PNKP: variants seen among roughly 807,000 people sequenced by gnomAD.
PNKP encodes the protein bifunctional polynucleotide phosphatase/kinase.
A neutral mutation model predicts 66.2 loss-of-function variants in PNKP; 82 were observed. The observed-to-expected ratio is 1.24, with a 90% CI of 1.04 to 1.49. PNKP has a LOEUF of 1.49. Ranked by LOEUF, PNKP falls within the 40% of genes most tolerant of loss-of-function variation. The probability of loss-of-function intolerance (pLI) is 0.00; values close to 1 mark genes in which losing one functional copy is unlikely to be tolerated. For missense variants in PNKP, 907 were observed against 706.8 expected (o/e 1.28, Z -3.21); for synonymous variants, 412 against 298.9 (o/e 1.38, Z -3.90).
rs2074802994 is a variant in PNKP at position 49,864,378 on chromosome 19, G to A, written c.524C>T (p.Thr175Met). The change falls in exon 5 of 17, where the codon ACG (threonine) becomes ATG (methionine). Residue 175 changes from threonine to methionine, a missense_variant. Thr to Met is a moderately conservative substitution (Grantham distance 81). Transcript: ENST00000322344. ...GKVAGFDLDG[T>M]LITTRSGKVF... The stretch of plus-strand genomic sequence containing the variant: ...CTTCCCAGAGCGTGTGGTGATGAGC[G>A]TCCCGTCCAGATCAAAGCCAGCCAC... 12 of 1,613,892 alleles carry A rather than the reference G, an allele frequency of 7.4e-6. No individual in the cohort carries two copies. Among genetic ancestry groups the A allele is most frequent in the Non-Finnish European group, 9.3e-6 (11 of 1,179,826 alleles).
chr19:49,861,487 A>AGAGGAGTCCGTCATCTCTC lies in PNKP; in HGVS notation c.1391_1409dup (p.His471ArgfsTer29), dbSNP rs2074758048. On this transcript the variant is annotated frameshift_variant, in exon 16 of 17. Transcript: ENST00000322344. LOFTEE classifies it low-confidence loss of function (END_TRUNC). ...TGACCATGTCTGACACGGGGATATG[A>AGAGGAGTCCGTCATCTCTC]GAGGAGTCCGTCATCTCTCGAAACT... 1 of 1,583,254 alleles carries AGAGGAGTCCGTCATCTCTC rather than the reference A, an allele frequency of 6.3e-7. No homozygotes were observed.
chr19:49,863,483 A>C (rs2074795083), intron 8 of PNKP, among the ~76,000 whole-genome samples: 1 of 152,254 alleles, frequency 6.6e-6, no homozygotes, highest in African/African-American at 2.4e-5. Flanking sequence ...GAACGAAGGA[A>C]TGAACAGCTT....
In PNKP at chr19:49,863,999, C is replaced by T; in HGVS notation, c.709G>A (p.Glu237Lys). 1 of 1,614,084 alleles carries T rather than the reference C, an allele frequency of 6.2e-7. No individual in the cohort carries two copies. Among genetic ancestry groups the T allele is most frequent in the Non-Finnish European group, 8.5e-7 (1 of 1,179,982 alleles). ...LPAEEFKAKV[E>K]AVVEKLGVPF... ...ACCCCCAGCTTCTCCACCACAGCCT[C>T]CACCTTGGCCTTGAACTCCTCGGCT... Residue 237 changes from glutamate to lysine, a missense_variant, in exon 7 of 17, where the codon GAG becomes AAG. By Grantham distance (56) the Glu-to-Lys change is moderately conservative. Coordinates refer to ENST00000322344, the MANE Select transcript of PNKP (RefSeq NM_007254.4).
At position 49,861,773 on chromosome 19, in the gene PNKP, T is replaced by C; in HGVS notation, c.1297A>G (p.Arg433Gly). 6.4e-7 allele frequency: 1 copy of C among 1,570,374 alleles called. No individual in the cohort carries two copies. The highest frequency in any genetic ancestry group is 8.6e-7 in the Non-Finnish European group (1 of 1,158,782). Residue 433 changes from arginine (R) to glycine (G), a missense_variant and splice_region_variant, in exon 14 of 17, where the codon AGG becomes GGG. Transcript: ENST00000322344. Reference protein sequence around the residue: ...NTNPDAASRARYVQCARAAGV... With the variant: ...NTNPDAASRAGYVQCARAAGV... ...CCTACGGCCCCGCGGTCACGCTACC[T>C]GGCGCGGCTCGCGGCGTCTGGGTTT... is the stretch of plus-strand genomic sequence containing the variant.
At position 49,867,510 on chromosome 19, in the gene PNKP, A is replaced by T; in HGVS notation, c.-55T>A. 2.3e-6 allele frequency: 1 copy of T among 436,110 alleles called. No homozygotes were observed. Among genetic ancestry groups the T allele is most frequent in the South Asian group, 2.6e-5 (1 of 38,032 alleles). The allele number at this position is 436,110 out of a possible 1,614,324, so 27.0% of individuals were successfully genotyped here. A position where few individuals can be genotyped will look rare whatever the true frequency, so the allele number is the denominator to read the frequency against. On this transcript the variant is annotated 5_prime_UTR_variant, in exon 1 of 17. Coordinates refer to ENST00000322344, the MANE Select transcript of PNKP (RefSeq NM_007254.4). ...GGCTCACGGCCACTTCCGACCAGGG[A>T]GGTCCTGCCCGAGGTGCCCCGCCTG...
At chr19:49,865,535 T>A in intron 3 of PNKP, 109 bp from the exon 4 acceptor site, 1 of 720,652 alleles carries the variant, frequency 1.4e-6, no homozygotes, top group Non-Finnish European at 2.5e-6. Flanking sequence ...ATCAGACCCT[T>A]AGGCCCCACC....
chr19:49,865,293 G>A lies in PNKP; in HGVS notation c.332C>T (p.Thr111Ile), dbSNP rs756223253. The change falls in exon 4 of 17, where the codon ACA becomes ATA. Residue 111 changes from threonine (T) to isoleucine (I), a missense_variant. Thr to Ile is a moderately conservative substitution (Grantham distance 89). Coordinates refer to ENST00000322344, the MANE Select transcript of PNKP (RefSeq NM_007254.4). ...CGGAGTATCTGGCTGGGATTCTGGTGTGCGGGTCTCTTCCCAGCGCAGGGT... is the reference window on the plus strand; with the variant it reads ...CGGAGTATCTGGCTGGGATTCTGGTATGCGGGTCTCTTCCCAGCGCAGGGT... ...PLTLRWEETR[T>I]PESQPDTPPG... 2 of 1,614,248 alleles carry A rather than the reference G, an allele frequency of 1.2e-6. No individual in the cohort carries two copies. The highest frequency in any genetic ancestry group is 1.7e-5 in the Admixed American group (1 of 60,028).
At chr19:49,866,907 A>C in intron 2 of PNKP, 147 bp downstream of exon 2, 1 of 832,742 alleles carries the variant, frequency 1.2e-6, no homozygotes, top group Non-Finnish European at 2.1e-6. Context: ...TCAAGCACAA[A>C]CTTTATCTTC....
In PNKP at chr19:49,861,785, CGGCGTCTG is replaced by C; in HGVS notation, c.1277_1284del (p.Pro426ArgfsTer65). ...CGGTCACGCTACCTGGCGCGGCTCG[CGGCGTCTG>C]GGTTTGTGTTGTCGATGGCGACCCG... On this transcript the variant is annotated frameshift_variant, in exon 14 of 17. Transcript: ENST00000322344. LOFTEE classifies it high-confidence loss of function. The C allele has an allele frequency of 6.4e-7, 1 of 1,566,094 alleles. No individual in the cohort carries two copies. The highest frequency in any genetic ancestry group is 8.6e-7 in the Non-Finnish European group (1 of 1,158,520).
rs2074797385 is a variant in PNKP, at chr19:49,863,724, G to C, written c.781C>G (p.Pro261Ala). The change falls in exon 8 of 17, where the codon CCG becomes GCG. Residue 261 changes from proline to alanine, a missense_variant. Pro to Ala is a conservative substitution (Grantham distance 27, BLOSUM62 -1). Coordinates refer to ENST00000322344, the MANE Select transcript of PNKP (RefSeq NM_007254.4). ...AGATGGTCCCACATGCCCGTCACCG[G>C]CTTCCGGTACAAGCCTGCGTGCGTG... is the stretch of plus-strand genomic sequence containing the variant. Reference protein sequence around the residue: ...VATHAGLYRKPVTGMWDHLQE... With the variant: ...VATHAGLYRKAVTGMWDHLQE... 6.4e-7 allele frequency: 1 copy of C among 1,558,632 alleles called. No individual in the cohort carries two copies. Among genetic ancestry groups the C allele is most frequent in the East Asian group, 2.4e-5 (1 of 41,886 alleles).
intron 4 of PNKP, 78 bp from the exon 5 acceptor site, chr19:49,864,481 A>C: frequency 9.3e-7 from 1 of 1,080,760 alleles, no homozygotes; most frequent in Non-Finnish European, 1.4e-6. Flanking sequence ...ACTCACACCA[A>C]CCCTGCCAGG....
chr19:49,864,350 G>A lies in PNKP; in HGVS notation c.552C>T (p.Val184=), dbSNP rs369818814. Reference sequence around the variant, plus strand: ...TCCAGTCACTGGGGCCAGTGGGAAAGACCTTCCCAGAGCGTGTGGTGATGA... The same window carrying A: ...TCCAGTCACTGGGGCCAGTGGGAAAAACCTTCCCAGAGCGTGTGGTGATGA... ...GTLITTRSGK[V]FPTGPSDWRI... The change falls in exon 5 of 17, where the codon GTC becomes GTT. Residue 184 remains valine, a synonymous_variant. Coordinates refer to ENST00000322344, the MANE Select transcript of PNKP (RefSeq NM_007254.4). 6.2e-6 allele frequency: 10 copies of A among 1,613,910 alleles called. No individual in the cohort carries two copies. Among genetic ancestry groups the A allele is most frequent in the Non-Finnish European group, 8.5e-6 (10 of 1,179,926 alleles).
In PNKP at chr19:49,861,754, GC is replaced by G. The variant is rs1456662160; in HGVS notation, c.1298+17del. The G allele has an allele frequency of 2.6e-6, 4 of 1,559,172 alleles. No individual in the cohort carries two copies. The East Asian group carries it at 7.2e-5, about 28-fold the overall frequency. On this transcript the variant is annotated intron_variant, in intron 14 of 16. Transcript: ENST00000322344. ...CCCACCCCGCCGCAGGCCACCTACG[GC>G]CCCGCGGTCACGCTACCTGGCGCGG...
chr19:49,861,691 CGTACCTGT>C lies in PNKP; in HGVS notation c.1299-4_1302del, dbSNP rs1568658764. 6.5e-7 allele frequency: 1 copy of C among 1,547,572 alleles called. No individual in the cohort carries two copies. The highest frequency in any genetic ancestry group is 1.2e-5 in the South Asian group (1 of 84,088). ...ACGCCCGCGGCTCGGGCACACTGGA[CGTACCTGT>C]GGGGGAAGGAGCTGGATGTGCAGGC... On this transcript the variant is annotated splice_acceptor_variant and splice_polypyrimidine_tract_variant and coding_sequence_variant and intron_variant, in exon 15 of 17. Transcript: ENST00000322344. LOFTEE classifies it high-confidence loss of function.
Position 49,864,367 on chromosome 19 carries a change from T to C in PNKP, c.535A>G (p.Thr179Ala), listed in dbSNP as rs1254979930. ...GFDLDGTLIT[T>A]RSGKVFPTGP... ...GTGGGAAAGACCTTCCCAGAGCGTGTGGTGATGAGCGTCCCGTCCAGATCA... is the reference window on the plus strand; with the variant it reads ...GTGGGAAAGACCTTCCCAGAGCGTGCGGTGATGAGCGTCCCGTCCAGATCA... The change falls in exon 5 of 17, where the codon ACA becomes GCA. Residue 179 changes from threonine (T) to alanine (A), a missense_variant. Transcript: ENST00000322344. The C allele has an allele frequency of 6.2e-7, 1 of 1,614,112 alleles. No homozygotes were observed. Among genetic ancestry groups the C allele is most frequent in the Non-Finnish European group, 8.5e-7 (1 of 1,179,988 alleles).
chr19:49,861,348 G>A lies in PNKP; in HGVS notation c.1466C>T (p.Pro489Leu), dbSNP rs779937835. 1.2e-6 allele frequency: 2 copies of A among 1,614,140 alleles called. No individual in the cohort carries two copies. Among genetic ancestry groups the A allele is most frequent in the Non-Finnish European group, 1.7e-6 (2 of 1,179,976 alleles). The change falls in exon 17 of 17, where the codon CCA becomes CTA. Residue 489 changes from proline (P) to leucine (L), a missense_variant. Pro to Leu is a moderately conservative substitution (Grantham distance 98). Transcript: ENST00000322344. ...GGCAGAGAAGCCTTCAGCCAGCGTT[G>A]GGGCCTCGAACTGCTTCCTGGCAGT... Reference protein sequence around the residue: ...MYGYRKQFEAPTLAEGFSAIL... With the variant: ...MYGYRKQFEALTLAEGFSAIL...
rs2074820909 is a variant in PNKP at position 49,866,399 on chromosome 19, C to A, written c.198G>T (p.Gln66His). Residue 66 changes from glutamine (Q) to histidine (H), a missense_variant and splice_region_variant, in exon 3 of 17, where the codon CAG becomes CAT. Transcript: ENST00000322344. Reference protein sequence around the residue: ...DPETRTVAVKQLGVNPSTTGT... With the variant: ...DPETRTVAVKHLGVNPSTTGT... ...CTGGCCCTTGCAGAGGCACTGATACCTGTTTCACTGCCACTGTCCGGGTCT... is the reference window on the plus strand; with the variant it reads ...CTGGCCCTTGCAGAGGCACTGATACATGTTTCACTGCCACTGTCCGGGTCT... 1.2e-6 allele frequency: 2 copies of A among 1,613,384 alleles called. No individual in the cohort carries two copies. Among genetic ancestry groups the A allele is most frequent in the African/African-American group, 2.7e-5 (2 of 74,922 alleles).
chr19:49,863,438 G>A (rs957306288), intron 8 of PNKP, among the ~76,000 whole-genome samples: 1 of 152,236 alleles, frequency 6.6e-6, no homozygotes, highest in African/African-American at 2.4e-5. Context: ...TCAAGAATGC[G>A]CTAAACTTCA....
At position 49,865,166 on chromosome 19, in the gene PNKP, C is replaced by T. The variant is rs1051886542; in HGVS notation, c.459G>A (p.Leu153=). 6.2e-7 allele frequency: 1 copy of T among 1,614,088 alleles called. No individual in the cohort carries two copies. The highest frequency in any genetic ancestry group is 8.5e-7 in the Non-Finnish European group (1 of 1,180,048). The part of the protein sequence containing the change: ...SNPGWENLEK[L]LVFTAAGVKP... ...TCACCCCAGCTGCGGTGAACACTAG[C>T]AACTTCTCCAAGTTCTCCCAGCCGG... Residue 153 remains leucine, a synonymous_variant, in exon 4 of 17, where the codon TTG becomes TTA. Coordinates refer to ENST00000322344, the MANE Select transcript of PNKP (RefSeq NM_007254.4).
Sources: allele counts gnomAD v4.1 joint callset (sites outside exome capture counted in the v4.1 genomes callset), GRCh38; gene constraint gnomAD v4.1.1; transcripts MANE v1.5; gene names NCBI Gene and HGNC (gene_info 2026-07-23, HGNC 2026-07-21).